WASF3: variants seen among roughly 807,000 people sequenced by gnomAD.
The protein encoded by WASF3 is actin-binding protein WASF3.
In WASF3, 11 loss-of-function variants were observed where a neutral mutation model predicts 46.6. The ratio of observed to expected loss-of-function variants is 0.24; its 90% CI spans 0.15 to 0.39. The LOEUF (loss-of-function observed/expected upper bound fraction) is 0.39. Ranked by LOEUF, WASF3 falls within the 10% of genes least tolerant of loss-of-function variation. WASF3 has a pLI of 1.00. For missense variants in WASF3, 576 were observed against 669.8 expected (o/e 0.86, Z 1.55); for synonymous variants, 242 against 259.7 (o/e 0.93, Z 0.65).
chr13:26,641,888 A>G (rs1163557752), intron 2 of WASF3: 1 of 153,476 alleles, frequency 6.5e-6, no homozygotes, highest in East Asian at 1.9e-4. Flanking sequence ...GGGTGATGTC[A>G]TAATGGTGGC....
At chr13:26,539,553 T>C in the WASF3 span, among the ~76,000 whole-genome samples, 1 of 152,196 alleles carries the variant, frequency 6.6e-6, no homozygotes, top group South Asian at 2.1e-4. Context: ...GTGAAAGTCA[T>C]CTCTGAAAGT....
intron 1 of WASF3, chr13:26,577,263 A>T: frequency 1.4e-6 from 1 of 738,590 alleles, no homozygotes; most frequent in Non-Finnish European, 2.5e-6. Flanking sequence ...TGTTGATGTC[A>T]GGACTACCGA....
At chr13:26,590,537 G>A (rs1321879485) in intron 1 of WASF3, among the ~76,000 whole-genome samples, 1 of 151,916 alleles carries the variant, frequency 6.6e-6, no homozygotes, top group African/African-American at 2.4e-5. Context: ...ACTCACAAAA[G>A]TAATCTGGAT....
chr13:26,681,114 C>A lies in WASF3; in HGVS notation c.777C>A (p.His259Gln). Residue 259 changes from histidine to glutamine, a missense_variant, in exon 8 of 10, where the codon CAC becomes CAA. Around this residue, in one of 3 missense-constraint regions of WASF3, gnomAD observed 295 missense variants for 291.5 expected, o/e 1.01. Transcript: ENST00000335327. ...CGGCTACTCCCAACCATTCTCTGCA[C>A]CCCCAGCCTGTGACCCCTTCCTATG... ...SYPATPNHSL[H>Q]PQPVTPSYAA... is the part of the protein sequence containing the mutation. 1.9e-6 allele frequency: 3 copies of A among 1,614,200 alleles called. No homozygotes were observed. The highest frequency in any genetic ancestry group is 1.1e-5 in the South Asian group (1 of 91,080).
intron 1 of WASF3, among the ~76,000 whole-genome samples, chr13:26,604,812 C>T (rs508919): frequency 0.014 from 2,074 of 152,276 alleles, 54 homozygotes; most frequent in African/African-American, 0.046. Context: ...TCTCAAGGGC[C>T]TCCCTGGAAG....
chr13:26,557,373 C>T (rs984992623), upstream of WASF3, among the ~76,000 whole-genome samples: 4 of 152,160 alleles, frequency 2.6e-5, no homozygotes, highest in Middle Eastern at 3.2e-3. Flanking sequence ...CTGTAATGGG[C>T]ACCTAGCAAT....
At chr13:26,615,585 G>A (rs1314640633) in intron 2 of WASF3, among the ~76,000 whole-genome samples, 1 of 152,222 alleles carries the variant, frequency 6.6e-6, no homozygotes, top group African/African-American at 2.4e-5. Context: ...GGGATTACAA[G>A]TGTGAGCCAC....
At chr13:26,578,465 C>A (rs935366902) in intron 1 of WASF3, among the ~76,000 whole-genome samples, 2 of 152,182 alleles carry the variant, frequency 1.3e-5, no homozygotes. Context: ...ATATGGCCTA[C>A]TTGTGCCTCA....
At chr13:26,560,945 C>T (rs1328294828) in intron 1 of WASF3, among the ~76,000 whole-genome samples, 1 of 152,114 alleles carries the variant, frequency 6.6e-6, no homozygotes, top group East Asian at 1.9e-4. Context: ...ACAGGAAAGC[C>T]TCCCAGAGGA....
chr13:26,545,532 T>C, the WASF3 span, among the ~76,000 whole-genome samples: 1 of 152,178 alleles, frequency 6.6e-6, no homozygotes, highest in Non-Finnish European at 1.5e-5. Context: ...TTTAATTTTT[T>C]ACTTTTCTAG....
In WASF3 at chr13:26,577,400, A is replaced by G. The variant is rs894159151; in HGVS notation, c.-109+19581A>G. On this transcript the variant is annotated intron_variant, in intron 1 of 9. Transcript: ENST00000335327. The stretch of plus-strand genomic sequence containing the variant: ...CCGGAAGAATATGATGGAAATCAAG[A>G]CCCGGGAGGTGCAGAAAAATGACTT... 3.9e-6 allele frequency: 3 copies of G among 774,042 alleles called. No homozygotes were observed. The African/African-American group carries it at 5.1e-5, about 13-fold the overall frequency. The allele number at this position is 774,042 out of a possible 1,614,324, so 47.9% of individuals were successfully genotyped here. A position where few individuals can be genotyped will look rare whatever the true frequency, so the allele number is the denominator to read the frequency against.
chr13:26,681,310 G>A lies in WASF3; in HGVS notation c.973G>A (p.Ala325Thr), dbSNP rs1432581689. 6.3e-7 allele frequency: 1 copy of A among 1,596,964 alleles called. No homozygotes were observed. The highest frequency in any genetic ancestry group is 1.3e-5 in the African/African-American group (1 of 74,268). Residue 325 changes from alanine (A) to threonine (T), a missense_variant, in exon 8 of 10, where the codon GCA (alanine) becomes ACA (threonine). By Grantham distance (58) the Ala-to-Thr change is moderately conservative. This residue lies in a region of WASF3 where 295 missense variants were observed against 291.5 expected (regional missense o/e 1.01). Coordinates refer to ENST00000335327, the MANE Select transcript of WASF3 (RefSeq NM_006646.6). Reference protein sequence around the residue: ...GSQASAPMAPADYGMLPAQII... With the variant: ...GSQASAPMAPTDYGMLPAQII... ...CCAGGCCTCTGCACCGATGGCTCCA[G>A]CAGACTACGGGTAACTCAGCATGCC...
chr13:26,576,242 C>T (rs1055434642), intron 1 of WASF3, among the ~76,000 whole-genome samples: 3 of 151,896 alleles, frequency 2.0e-5, no homozygotes, highest in East Asian at 3.9e-4. Flanking sequence ...TATTATTCTC[C>T]CTTGGACATC....
At chr13:26,651,120 G>A (rs1364624513) in intron 3 of WASF3, among the ~76,000 whole-genome samples, 2 of 152,104 alleles carry the variant, frequency 1.3e-5, no homozygotes, top group Admixed American at 1.3e-4. Context: ...CCAGGAGTTC[G>A]AGAGCAGCCT....
chr13:26,655,445 G>T (rs1162004122), intron 3 of WASF3, among the ~76,000 whole-genome samples: 1 of 152,158 alleles, frequency 6.6e-6, no homozygotes, highest in Non-Finnish European at 1.5e-5. Flanking sequence ...ACTTTCATCA[G>T]TGGATTGATT....
At chr13:26,684,290 A>G (rs1450388283) in intron 9 of WASF3, among the ~76,000 whole-genome samples, 1 of 150,910 alleles carries the variant, frequency 6.6e-6, no homozygotes, top group Non-Finnish European at 1.5e-5. Flanking sequence ...TTTTTTTAAC[A>G]CCTTATAAGC....
intron 1 of WASF3, among the ~76,000 whole-genome samples, chr13:26,581,441 A>AT (rs538276216): frequency 0.063 from 9,185 of 145,446 alleles, 368 homozygotes; most frequent in Non-Finnish European, 0.088. Flanking sequence ...AGGCCAGCCA[A>AT]TTTTTTTTTT....
chr13:26,570,817 C>G (rs942284377), intron 1 of WASF3, among the ~76,000 whole-genome samples: 2 of 152,136 alleles, frequency 1.3e-5, no homozygotes, highest in Non-Finnish European at 2.9e-5. Flanking sequence ...ATAAAGTCCT[C>G]AAATTTGGAT....
chr13:26,611,031 C>CTTTTTTTTTTT (rs71080282), intron 1 of WASF3, among the ~76,000 whole-genome samples: 2 of 110,578 alleles, frequency 1.8e-5, no homozygotes, highest in African/African-American at 6.7e-5. Flanking sequence ...TTACTTACTC[C>CTTTTTTTTTTT]TTTTTTTTTT....
Sources: allele counts gnomAD v4.1 joint callset (sites outside exome capture counted in the v4.1 genomes callset), GRCh38; gene constraint gnomAD v4.1.1; regional missense constraint gnomAD v4.1.1; transcripts MANE v1.5; gene names NCBI Gene and HGNC (gene_info 2026-07-23, HGNC 2026-07-21).